The following ESRRG variants were observed in gnomAD, a reference collection of about 807,000 sequenced individuals.
ESRRG encodes estrogen-related receptor gamma.
In ESRRG, 13 loss-of-function variants were observed where a neutral mutation model predicts 44.0. The observed-to-expected ratio is 0.30, with a 90% CI of 0.19 to 0.47. ESRRG has a LOEUF of 0.47. Among genes scored for constraint, ESRRG ranks in the 20% least tolerant of loss-of-function variants. ESRRG has a pLI of 1.00. For missense variants in ESRRG, 395 were observed against 580.6 expected (o/e 0.68, Z 3.29); for synonymous variants, 215 against 214.6 (o/e 1.00, Z -0.02).
chr1:216,759,991 C>T (rs866844992), intron 2 of ESRRG, among the ~76,000 whole-genome samples: 7 of 152,132 alleles, frequency 4.6e-5, no homozygotes, highest in Non-Finnish European at 7.4e-5. Flanking sequence ...CAGGGGTATG[C>T]CCCCATTCAC....
intron 1 of ESRRG, among the ~76,000 whole-genome samples, chr1:217,002,912 G>C (rs1324542217): frequency 2.0e-5 from 3 of 152,072 alleles, no homozygotes; most frequent in Non-Finnish European, 1.5e-5. Flanking sequence ...GCCCAACCAA[G>C]CTGCTTCTAA....
chr1:217,114,057 T>C (rs1363529518), intron 1 of ESRRG, among the ~76,000 whole-genome samples: 1 of 152,052 alleles, frequency 6.6e-6, no homozygotes, highest in Admixed American at 6.6e-5. Context: ...ATACTGTTTA[T>C]AGATAAAACT....
rs538324600 is a variant in ESRRG at position 217,024,521 on chromosome 1, T to G, written c.-106+64986A>C. Among the ~76,000 whole-genome samples the G allele has an allele frequency of 2.2e-3, 331 of 152,172 alleles. 3 individuals are homozygous for G. The highest frequency in any genetic ancestry group is 7.6e-3 in the African/African-American group (314 of 41,510). ...ACCCACACCCACTCCAATTCCCATG[T>G]AAGAGACAAACACACCAAAGCCTGG... On this transcript the variant is annotated intron_variant, in intron 1 of 7. Coordinates refer to the ESRRG transcript ENST00000359162.
intron 2 of ESRRG, among the ~76,000 whole-genome samples, chr1:216,728,601 G>A (rs2088046861): frequency 6.6e-6 from 1 of 151,822 alleles, no homozygotes; most frequent in African/African-American, 2.4e-5. Flanking sequence ...CCAGTAAAAT[G>A]ATCAAATTAC....
At position 216,824,839 on chromosome 1, in the gene ESRRG, T is replaced by C. The variant is rs138409670; in HGVS notation, c.-14+114743A>G. Among the ~76,000 whole-genome samples the C allele has an allele frequency of 4.2e-3, 637 of 152,308 alleles. 3 individuals carry two copies. Among genetic ancestry groups the C allele is most frequent in the African/African-American group, 0.015 (620 of 41,568 alleles). On this transcript the variant is annotated intron_variant, in intron 2 of 7. Transcript: ENST00000359162. ...CAGATTTTTATCTGAGAAATGAAGA[T>C]GGGAAGTAACGAACCATGAACCACA...
At chr1:216,777,850 T>C (rs1292652426) in intron 2 of ESRRG, among the ~76,000 whole-genome samples, 1 of 152,130 alleles carries the variant, frequency 6.6e-6, no homozygotes, top group Non-Finnish European at 1.5e-5. Context: ...TTACATATCT[T>C]ATCATGGAAT....
chr1:216,857,128 A>G (rs1477217076), intron 2 of ESRRG, among the ~76,000 whole-genome samples: 1 of 152,140 alleles, frequency 6.6e-6, no homozygotes, highest in African/African-American at 2.4e-5. Context: ...CTAATAATAA[A>G]AAAAGGCATT....
chr1:216,998,636 T>A (rs192442129), intron 1 of ESRRG, among the ~76,000 whole-genome samples: 2 of 152,370 alleles, frequency 1.3e-5, no homozygotes, highest in Admixed American at 1.3e-4. Flanking sequence ...TGGTTTTCAG[T>A]GATTTTAATC....
In ESRRG at chr1:216,752,676, G is replaced by C. The variant is rs535609160; in HGVS notation, c.-13-75185C>G. On this transcript the variant is annotated intron_variant, in intron 2 of 7. Coordinates refer to the ESRRG transcript ENST00000359162. ...GTATGATGGTAATTACTAATTGCTT[G>C]AGTCTGAGACATTTCTTTCTTCCTA... 7.2e-5 allele frequency among the ~76,000 whole-genome samples: 11 copies of C among 152,166 alleles called. No homozygotes were observed. The South Asian group carries it at 2.3e-3, about 32-fold the overall frequency.
At chr1:216,832,932 G>T (rs556531499) in intron 2 of ESRRG, among the ~76,000 whole-genome samples, 1 of 150,690 alleles carries the variant, frequency 6.6e-6, no homozygotes, top group Non-Finnish European at 1.5e-5. Flanking sequence ...CCGAGATTGC[G>T]CCACCACACT....
intron 2 of ESRRG, among the ~76,000 whole-genome samples, chr1:216,774,795 C>CTTATTTTTTTTT (rs1178221974): frequency 2.5e-5 from 1 of 40,178 alleles, no homozygotes; most frequent in African/African-American, 1.4e-4. Context: ...TGAATAATTT[C>CTTATTTTTTTTT]TTCTTTTTTT....
chr1:216,831,087 G>A (rs958139738), intron 2 of ESRRG, among the ~76,000 whole-genome samples: 40 of 152,034 alleles, frequency 2.6e-4, no homozygotes, highest in African/African-American at 9.2e-4. Context: ...ATCTATATTG[G>A]GATGCAGCTC....
At chr1:217,025,258 C>T (rs890311025) in intron 1 of ESRRG, among the ~76,000 whole-genome samples, 1 of 151,926 alleles carries the variant, frequency 6.6e-6, no homozygotes, top group African/African-American at 2.4e-5. Flanking sequence ...TATGTTTCTG[C>T]AGAATGATTT....
chr1:216,765,964 T>C (rs1012777632), intron 2 of ESRRG, among the ~76,000 whole-genome samples: 2 of 152,174 alleles, frequency 1.3e-5, no homozygotes, highest in African/African-American at 4.8e-5. Context: ...GATGTAACTT[T>C]TTGTATCAGT....
At chr1:216,922,382 G>A (rs576014844) in intron 2 of ESRRG, among the ~76,000 whole-genome samples, 3 of 152,132 alleles carry the variant, frequency 2.0e-5, no homozygotes, top group South Asian at 2.1e-4. Flanking sequence ...TTTTTAGTTC[G>A]AGTTGCAGTT....
Position 216,605,892 on chromosome 1 carries a change from C to A in ESRRG, c.590-37794G>T, listed in dbSNP as rs57756229. On this transcript the variant is annotated intron_variant, in intron 3 of 6. Coordinates refer to ENST00000408911, the MANE Select transcript of ESRRG (RefSeq NM_001438.4). Reference sequence around the variant, plus strand: ...GCTTAAATTAAAAAAAAAAAAAAGACCCTTCTGAAGAAGCTGTTGGCTATC... The same window carrying A: ...GCTTAAATTAAAAAAAAAAAAAAGAACCTTCTGAAGAAGCTGTTGGCTATC... Among the ~76,000 whole-genome samples the A allele has an allele frequency of 1.3e-3, 201 of 150,512 alleles. 2 individuals carry two copies. The East Asian group carries it at 0.03, about 23-fold the overall frequency.
intron 2 of ESRRG, among the ~76,000 whole-genome samples, chr1:216,932,719 GTTTTTTTT>G (rs397860904): frequency 7.1e-5 from 5 of 70,302 alleles, no homozygotes; most frequent in African/African-American, 2.8e-4. Flanking sequence ...CACCAAACTT[GTTTTTTTT>G]TTTTTTTTTT....
At chr1:216,803,355 T>C (rs545461469) in intron 2 of ESRRG, among the ~76,000 whole-genome samples, 1 of 152,244 alleles carries the variant, frequency 6.6e-6, no homozygotes, top group African/African-American at 2.4e-5. Context: ...AATTAATAGT[T>C]TCTTAAAACA....
At chr1:216,901,207 CAG>C (rs777680435) in intron 2 of ESRRG, among the ~76,000 whole-genome samples, 2 of 152,016 alleles carry the variant, frequency 1.3e-5, no homozygotes, top group African/African-American at 2.4e-5. Context: ...GAATCAGAGT[CAG>C]AAGCTACAAA....
Sources: allele counts gnomAD v4.1 joint callset (sites outside exome capture counted in the v4.1 genomes callset), GRCh38; gene constraint gnomAD v4.1.1; transcripts MANE v1.5; gene names NCBI Gene and HGNC (gene_info 2026-07-23, HGNC 2026-07-21).